The following CPLANE1 variants were observed in gnomAD, a reference collection of about 807,000 sequenced individuals.
CPLANE1 encodes ciliogenesis and planar polarity effector complex subunit 1.
A neutral mutation model predicts 362.5 loss-of-function variants in CPLANE1; 263 were observed. The observed-to-expected ratio is 0.73, with a 90% CI of 0.66 to 0.80. The LOEUF (loss-of-function observed/expected upper bound fraction) is 0.80, where lower values mean the gene tolerates loss of function less well. Ranked by LOEUF, CPLANE1 falls within the 30% of genes least tolerant of loss-of-function variation. CPLANE1 has a pLI of 0.00. For missense variants in CPLANE1, 3,461 were observed against 3,793.4 expected (o/e 0.91, Z 2.30); for synonymous variants, 1,212 against 1,302.6 (o/e 0.93, Z 1.50).
rs756435344 is a variant in CPLANE1, at chr5:37,180,184, C to T, written c.5571-1G>A. ...ATTTTTTGCTTCAGTTGGCATTCTA[C>T]TGAAAAAAATGCAGCAACTAAAATT... On this transcript the variant is annotated splice_acceptor_variant, in intron 27 of 52. Coordinates refer to ENST00000651892, the MANE Select transcript of CPLANE1 (RefSeq NM_001384732.1). LOFTEE classifies it high-confidence loss of function. The T allele has an allele frequency of 4.2e-6, 6 of 1,443,610 alleles. No individual in the cohort carries two copies. The African/African-American group carries it at 7.4e-5, about 18-fold the overall frequency. 89.4% of individuals were successfully genotyped at this position (1,443,610 alleles called of 1,614,324 possible). A position where few individuals can be genotyped will look rare whatever the true frequency, so the allele number is the denominator to read the frequency against.
chr5:37,218,405 C>T (rs1189680862), intron 15 of CPLANE1, among the ~76,000 whole-genome samples: 1 of 152,152 alleles, frequency 6.6e-6, no homozygotes, highest in Non-Finnish European at 1.5e-5. Context: ...TAGGGACATC[C>T]TGTGTGACTC....
intron 46 of CPLANE1, 23 bp from the exon 47 acceptor site, chr5:37,125,432 C>T (rs753078152): frequency 1.2e-6 from 2 of 1,603,314 alleles, no homozygotes; most frequent in East Asian, 2.2e-5. Flanking sequence ...ACAAGCAAGA[C>T]ATCATTTGCT....
intron 8 of CPLANE1, among the ~76,000 whole-genome samples, chr5:37,234,339 C>T (rs1006718380): frequency 3.6e-5 from 5 of 138,652 alleles, no homozygotes; most frequent in Non-Finnish European, 6.2e-5. Flanking sequence ...ACAAAGAAAT[C>T]GGAAAATCAA....
intron 9 of CPLANE1, among the ~76,000 whole-genome samples, chr5:37,228,371 C>T (rs1039097823): frequency 1.2e-4 from 19 of 152,176 alleles, no homozygotes; most frequent in Admixed American, 5.2e-4. Context: ...TGGGGCTTTA[C>T]AAATATAAAA....
chr5:37,175,596 A>G (rs1357159592), intron 31 of CPLANE1, among the ~76,000 whole-genome samples: 5 of 152,252 alleles, frequency 3.3e-5, no homozygotes, highest in African/African-American at 1.2e-4. Flanking sequence ...ACACTACAAG[A>G]AATCAGTTAG....
chr5:37,148,922 G>A (rs1419234474), intron 42 of CPLANE1, among the ~76,000 whole-genome samples: 7 of 151,986 alleles, frequency 4.6e-5, no homozygotes, highest in Non-Finnish European at 8.8e-5. Context: ...ATGGTGGCAG[G>A]TGCCTGTAAT....
chr5:37,219,443 G>A (rs543669090), intron 15 of CPLANE1, among the ~76,000 whole-genome samples: 5 of 151,702 alleles, frequency 3.3e-5, no homozygotes, highest in Non-Finnish European at 5.9e-5. Context: ...CAGGAGAATC[G>A]CTTGAACCCA....
chr5:37,141,577 A>T, intron 44 of CPLANE1: 1 of 957,912 alleles, frequency 1.0e-6, no homozygotes, highest in Non-Finnish European at 1.2e-6. Context: ...AATGCCATTT[A>T]AAATAGCATT....
chr5:37,170,536 G>A (rs1019466105), intron 32 of CPLANE1, among the ~76,000 whole-genome samples: 7 of 151,480 alleles, frequency 4.6e-5, no homozygotes, highest in Admixed American at 2.0e-4. Context: ...CTGTCAACCA[G>A]GCATATGAAT....
At chr5:37,221,156 A>C (rs190601755) in intron 15 of CPLANE1, among the ~76,000 whole-genome samples, 168 bp downstream of exon 15, 1 of 152,340 alleles carries the variant, frequency 6.6e-6, no homozygotes, top group East Asian at 1.9e-4. Flanking sequence ...TCATGTCTAC[A>C]CTAAAAATAC....
intron 18 of CPLANE1, among the ~76,000 whole-genome samples, chr5:37,203,376 C>CCTCTTCACTATTT (rs1789765150): frequency 6.6e-6 from 1 of 151,938 alleles, no homozygotes; most frequent in Non-Finnish European, 1.5e-5. Flanking sequence ...GCAATTTGTT[C>CCTCTTCACTATTT]CTCTTCACTA....
intron 2 of CPLANE1, 149 bp from the exon 3 acceptor site, chr5:37,245,994 C>T (rs1739495618): frequency 1.3e-6 from 1 of 759,088 alleles, no homozygotes; most frequent in Admixed American, 3.5e-5. Context: ...AAGCTTAATA[C>T]TCTATAGTAG....
At chr5:37,219,286 T>C (rs1794840693) in intron 15 of CPLANE1, among the ~76,000 whole-genome samples, 1 of 152,126 alleles carries the variant, frequency 6.6e-6, no homozygotes, top group African/African-American at 2.4e-5. Context: ...TCCCAGCACT[T>C]TGAGAGGCCA....
rs1561405624 is a variant in CPLANE1, at chr5:37,148,235, C to G, written c.8407G>C (p.Gly2803Arg). 4 of 1,611,796 alleles carry G rather than the reference C, an allele frequency of 2.5e-6. No homozygotes were observed. The highest frequency in any genetic ancestry group is 3.4e-6 in the Non-Finnish European group (4 of 1,178,866). The change falls in exon 43 of 53, where the codon GGC (glycine) becomes CGC (arginine). Residue 2803 changes from glycine to arginine, a missense_variant. This residue lies in a region of CPLANE1 where 3,380 missense variants were observed against 3,666.1 expected (regional missense o/e 0.92). Coordinates refer to ENST00000651892, the MANE Select transcript of CPLANE1 (RefSeq NM_001384732.1). ...GCTAATGTTTTTTTGAATTCAGGGCCAGAAGAGAATTCAATGTGATCCACT... is the reference window on the plus strand; with the variant it reads ...GCTAATGTTTTTTTGAATTCAGGGCGAGAAGAGAATTCAATGTGATCCACT... Reference protein sequence around the residue: ...GPVDHIEFSSGPEFKKTLASK... With the variant: ...GPVDHIEFSSRPEFKKTLASK...
In CPLANE1 at chr5:37,231,385, G is replaced by A. The variant is rs1269679266; in HGVS notation, c.939-336C>T. On this transcript the variant is annotated intron_variant, in intron 8 of 52. Coordinates refer to ENST00000651892, the MANE Select transcript of CPLANE1 (RefSeq NM_001384732.1). ...AACTGAGGTCAGGAGTTCAAGACCA[G>A]CCTGGCCAACACCGTCTCTACAAAA... is the stretch of plus-strand genomic sequence containing the variant. 3.9e-5 allele frequency among the ~76,000 whole-genome samples: 6 copies of A among 152,264 alleles called. 1 individual carries two copies. The highest frequency in any genetic ancestry group is 3.3e-4 in the Admixed American group (5 of 15,294).
rs536436945 is a variant in CPLANE1 at position 37,199,044 on chromosome 5, C to A, written c.3508-178G>T. On this transcript the variant is annotated intron_variant, in intron 19 of 52. Transcript: ENST00000651892. ...CTCAGGAGTTGGAAGCTGAAGTGAG[C>A]CATGATTGCATCACTGCACTCAAGC... 2.0e-5 allele frequency among the ~76,000 whole-genome samples: 3 copies of A among 147,098 alleles called. No individual in the cohort carries two copies. The East Asian group carries it at 5.9e-4, about 29-fold the overall frequency.
intron 38 of CPLANE1, among the ~76,000 whole-genome samples, chr5:37,160,681 T>TG (rs1012172626): frequency 4.0e-5 from 6 of 151,166 alleles, no homozygotes; most frequent in Middle Eastern, 3.4e-3. Flanking sequence ...CTTTTTTTTT[T>TG]TTTTTTTGGA....
intron 30 of CPLANE1, 141 bp downstream of exon 30, chr5:37,177,480 C>T: frequency 1.6e-6 from 1 of 642,172 alleles, no homozygotes; most frequent in Non-Finnish European, 2.8e-6. Flanking sequence ...ATCATTTTAC[C>T]ATAACTATAA....
Position 37,121,625 on chromosome 5 carries a change from A to G in CPLANE1, c.9177T>C (p.Ser3059=). Residue 3059 remains serine (S), a synonymous_variant, in exon 49 of 53, where the codon TCT becomes TCC. Transcript: ENST00000651892. ...TQSSSCQHCP[S]PRGENQHGHS... The stretch of plus-strand genomic sequence containing the variant: ...GTGAAACCTTGTCTTACCCTCTTGG[A>G]GAAGGGCAGTGTTGACAACTGGAAG... 6.2e-7 allele frequency: 1 copy of G among 1,614,052 alleles called. No individual in the cohort carries two copies. The highest frequency in any genetic ancestry group is 8.5e-7 in the Non-Finnish European group (1 of 1,179,964).
Sources: allele counts gnomAD v4.1 joint callset (sites outside exome capture counted in the v4.1 genomes callset), GRCh38; gene constraint gnomAD v4.1.1; regional missense constraint gnomAD v4.1.1; transcripts MANE v1.5; gene names NCBI Gene and HGNC (gene_info 2026-07-23, HGNC 2026-07-21).